The following ZFHX3 variants were observed in gnomAD, a reference collection of about 807,000 sequenced individuals.
The protein encoded by ZFHX3 is zinc finger homeobox protein 3.
A neutral mutation model predicts 279.1 loss-of-function variants in ZFHX3; 42 were observed. The observed-to-expected ratio is 0.15, with a 90% CI of 0.12 to 0.19. ZFHX3 has a LOEUF of 0.19. ZFHX3 is among the 10% of genes least tolerant of loss of function. The probability of loss-of-function intolerance (pLI) is 1.00; values close to 1 mark genes in which losing one functional copy is unlikely to be tolerated. For missense variants in ZFHX3, 4,981 were observed against 4,754.0 expected, an observed-to-expected ratio of 1.05 and a Z score of -1.40; for synonymous variants, 2,293 against 1,957.8, an observed-to-expected ratio of 1.17 and a Z score of -4.52.
intron 3 of ZFHX3, chr16:73,400,086 A>C (rs2017219330): frequency 6.6e-6 from 1 of 152,012 alleles, no homozygotes; most frequent in Admixed American, 6.5e-5. Context: ...AAAAAAAAAA[A>C]AAAAATCACC....
chr16:73,293,108 G>A (rs777963056), intron 4 of ZFHX3, among the ~76,000 whole-genome samples: 1 of 152,182 alleles, frequency 6.6e-6, no homozygotes, highest in African/African-American at 2.4e-5. Context: ...GTGTGTTTTA[G>A]ACCAACCTAC....
chr16:73,628,672 A>C (rs551458163), intron 2 of ZFHX3, among the ~76,000 whole-genome samples: 1 of 152,216 alleles, frequency 6.6e-6, no homozygotes, highest in Non-Finnish European at 1.5e-5. Flanking sequence ...TCTGAATCAT[A>C]TTGGTAAACC....
chr16:73,665,480 T>C (rs7193887), intron 2 of ZFHX3, among the ~76,000 whole-genome samples: 148,813 of 151,794 alleles, frequency 0.98, 72,984 homozygotes, highest in East Asian at 1. Context: ...TCCCAAAGTG[T>C]TGGGATTACA....
chr16:72,937,049 G>A (rs1960161164), intron 3 of ZFHX3, among the ~76,000 whole-genome samples: 3 of 152,192 alleles, frequency 2.0e-5, no homozygotes, highest in South Asian at 2.1e-4. Flanking sequence ...ATATGCTGGA[G>A]GTGGCCCTAA....
At chr16:73,558,434 A>G (rs1243076902) in intron 2 of ZFHX3, 1 of 152,184 alleles carries the variant, frequency 6.6e-6, no homozygotes. Context: ...TGGGAGGGCA[A>G]TGCTTTGCCT....
intron 4 of ZFHX3, among the ~76,000 whole-genome samples, chr16:72,853,982 A>G (rs149373435): frequency 3.3e-5 from 5 of 152,312 alleles, no homozygotes; most frequent in Middle Eastern, 3.4e-3. Context: ...AAAGAAAAGA[A>G]AAAGCTTTGT....
intron 5 of ZFHX3, among the ~76,000 whole-genome samples, chr16:73,247,677 G>A (rs1054114417): frequency 6.6e-6 from 1 of 150,392 alleles, no homozygotes; most frequent in Admixed American, 6.6e-5. Context: ...CTATGTGCCT[G>A]TATGCGGAGT....
At chr16:73,339,932 A>G (rs1200626555) in intron 3 of ZFHX3, among the ~76,000 whole-genome samples, 3 of 152,228 alleles carry the variant, frequency 2.0e-5, no homozygotes, top group Admixed American at 2.0e-4. Context: ...CGACAAACCC[A>G]GCAAATTACT....
At chr16:73,659,099 T>C (rs752123127) in intron 2 of ZFHX3, among the ~76,000 whole-genome samples, 1 of 152,178 alleles carries the variant, frequency 6.6e-6, no homozygotes, top group Non-Finnish European at 1.5e-5. Context: ...GATTCCATTC[T>C]TGCTGAGAAA....
intron 5 of ZFHX3, among the ~76,000 whole-genome samples, chr16:73,165,869 T>C (rs924194676): frequency 2.6e-5 from 4 of 152,076 alleles, no homozygotes; most frequent in Middle Eastern, 3.2e-3. Flanking sequence ...GAGTTGAAGG[T>C]AGTAATTATA....
intron 2 of ZFHX3, among the ~76,000 whole-genome samples, chr16:73,600,150 T>A (rs1278680115): frequency 6.6e-6 from 1 of 152,164 alleles, no homozygotes; most frequent in Non-Finnish European, 1.5e-5. Context: ...AAACTGTAAG[T>A]AACCTCCAAA....
chr16:73,420,340 AGTATC>A (rs2017693051), intron 3 of ZFHX3: 1 of 152,254 alleles, frequency 6.6e-6, no homozygotes, highest in African/African-American at 2.4e-5. Context: ...CATATTAGAT[AGTATC>A]TAATGGTTTT....
At chr16:72,957,363 TA>T in intron 2 of ZFHX3, 63 bp downstream of exon 2, 1 of 1,526,814 alleles carries the variant, frequency 6.5e-7, no homozygotes, top group Non-Finnish European at 8.8e-7. Flanking sequence ...TATCTCACCC[TA>T]TTCACCATTC....
chr16:73,458,151 T>A (rs2018406712), intron 2 of ZFHX3, among the ~76,000 whole-genome samples: 2 of 152,144 alleles, frequency 1.3e-5, no homozygotes, highest in African/African-American at 4.8e-5. Context: ...TTCAAACCCC[T>A]TCTCTCTCTT....
intron 2 of ZFHX3, among the ~76,000 whole-genome samples, chr16:73,514,149 G>C (rs1260124818): frequency 6.6e-6 from 1 of 152,134 alleles, no homozygotes; most frequent in East Asian, 1.9e-4. Flanking sequence ...TTGGGAGGCT[G>C]AGGCAGAAGA....
intron 5 of ZFHX3, among the ~76,000 whole-genome samples, chr16:73,252,214 G>A (rs2013531399): frequency 6.6e-6 from 1 of 152,198 alleles, no homozygotes; most frequent in Non-Finnish European, 1.5e-5. Context: ...CATAATGAAA[G>A]CTATGCTTTT....
At chr16:73,620,023 A>C (rs984277224) in intron 2 of ZFHX3, among the ~76,000 whole-genome samples, 4 of 152,312 alleles carry the variant, frequency 2.6e-5, no homozygotes, top group South Asian at 4.1e-4. Flanking sequence ...TCCTGGGCTC[A>C]AGGGATCCTC....
chr16:72,795,878 C>T lies in ZFHX3; in HGVS notation c.6804G>A (p.Lys2268=). ...TAGAGAGTTGCTCAAATTCATCATC[C>T]TTTGGGTAAGCATTGGCATCGAAGA... ...QDFFDANAYP[K]DDEFEQLSNL... is the part of the protein sequence containing the mutation. Residue 2268 remains lysine, a synonymous_variant, in exon 9 of 10, where the codon AAG becomes AAA. Coordinates refer to ENST00000268489, the MANE Select transcript of ZFHX3 (RefSeq NM_006885.4). The T allele has an allele frequency of 6.2e-7, 1 of 1,614,196 alleles. No homozygotes were observed. Among genetic ancestry groups the T allele is most frequent in the Non-Finnish European group, 8.5e-7 (1 of 1,180,028 alleles).
rs1567451240 is a variant in ZFHX3, at chr16:73,325,928, A to ACACAAAAACACACAC, written c.-1290-7593_-1290-7592insGTGTGTGTTTTTGTG. ...ACACACACACACACACACACACACA[A>ACACAAAAACACACAC]ACACACACACACACACACACACAGG... On this transcript the variant is annotated intron_variant, in intron 3 of 17. Coordinates refer to the ZFHX3 transcript ENST00000641206. Among the ~76,000 whole-genome samples the ACACAAAAACACACAC allele has an allele frequency of 2.5e-3, 371 of 145,560 alleles. 1 individual carries two copies. Among genetic ancestry groups the ACACAAAAACACACAC allele is most frequent in the Non-Finnish European group, 3.9e-3 (259 of 66,136 alleles).
Sources: gnomAD v4.1 joint callset for allele counts (sites outside exome capture counted in the v4.1 genomes callset) on GRCh38, gnomAD v4.1.1 for gene constraint, MANE v1.5 for transcripts, NCBI Gene and HGNC (gene_info 2026-07-23, HGNC 2026-07-21) for gene names.